TAMM41: variants seen among roughly 807,000 people sequenced by gnomAD.
TAMM41 encodes the protein TAM41 mitochondrial translocator assembly and maintenance homolog.
A neutral mutation model predicts 44.1 loss-of-function variants in TAMM41; 36 were observed. That is an observed-to-expected ratio of 0.82 (90% CI 0.63 to 1.08). The LOEUF (loss-of-function observed/expected upper bound fraction) is 1.08. TAMM41 is among the 50% of genes least tolerant of loss of function. TAMM41 has a pLI of 0.00. For missense variants in TAMM41, 417 were observed against 404.3 expected (o/e 1.03, Z -0.27); for synonymous variants, 164 against 153.1 (o/e 1.07, Z -0.53).
At chr3:11,816,753 C>T (rs1271150889) in intron 5 of TAMM41, among the ~76,000 whole-genome samples, 4 of 151,612 alleles carry the variant, frequency 2.6e-5, no homozygotes, top group Non-Finnish European at 5.9e-5. Context: ...AGCCTGGGAA[C>T]AGAGTCAGAC....
chr3:11,744,092 A>T, the TAMM41 span, among the ~76,000 whole-genome samples: 50 of 151,946 alleles, frequency 3.3e-4, no homozygotes, highest in Non-Finnish European at 4.7e-4. Context: ...TTTGAGATGG[A>T]GTTTTTGCTG....
intron 7 of TAMM41, 106 bp downstream of exon 7, chr3:11,807,727 A>G: frequency 6.5e-7 from 1 of 1,536,214 alleles, no homozygotes; most frequent in South Asian, 1.2e-5. Context: ...ATCAAAGCTC[A>G]GCATTTCACA....
chr3:11,809,973 T>C lies in TAMM41; in HGVS notation c.709-291A>G, dbSNP rs1428369809. 5 of 277,938 alleles carry C rather than the reference T, an allele frequency of 1.8e-5. No homozygotes were observed. In the Admixed American group the frequency reaches 2.5e-4, roughly 14 times the overall value. 17.2% of individuals were successfully genotyped at this position (277,938 alleles called of 1,614,324 possible). A position where few individuals can be genotyped will look rare whatever the true frequency, so the allele number is the denominator to read the frequency against. On this transcript the variant is annotated intron_variant, in intron 5 of 7. Coordinates refer to ENST00000455809, the MANE Select transcript of TAMM41 (RefSeq NM_001284401.2). ...TTCTGACTTTTGGTTTTAAAATTTA[T>C]ATTTGTCTTAAATCCAGCAGTCAAA... is the stretch of plus-strand genomic sequence containing the variant.
Position 11,809,610 on chromosome 3 carries a change from GATTTA to G in TAMM41, c.776_780del (p.Ile259ThrfsTer22). On this transcript the variant is annotated frameshift_variant, in exon 6 of 8. Coordinates refer to ENST00000455809, the MANE Select transcript of TAMM41 (RefSeq NM_001284401.2). LOFTEE classifies it high-confidence loss of function. ...TTTTTTCCAGGAGGGTCCATAATAT[GATTTA>G]TCTGTTGCTGTAAGGTTTTGGGCAA... is the stretch of plus-strand genomic sequence containing the variant. 1 of 1,613,996 alleles carries G rather than the reference GATTTA, an allele frequency of 6.2e-7. No individual in the cohort carries two copies. The highest frequency in any genetic ancestry group is 8.5e-7 in the Non-Finnish European group (1 of 1,179,980).
At chr3:11,726,065 A>AG in the TAMM41 span, among the ~76,000 whole-genome samples, 1 of 152,240 alleles carries the variant, frequency 6.6e-6, no homozygotes, top group Non-Finnish European at 1.5e-5. Context: ...GGGGCAAATA[A>AG]GGGGAATATC....
intron 4 of TAMM41, among the ~76,000 whole-genome samples, chr3:11,823,605 T>C (rs925227251): frequency 6.6e-6 from 1 of 151,932 alleles, no homozygotes; most frequent in African/African-American, 2.4e-5. Context: ...TACTAGTCCC[T>C]TATCAGATGC....
intron 7 of TAMM41, among the ~76,000 whole-genome samples, chr3:11,792,678 T>A (rs2077507584): frequency 1.3e-5 from 2 of 152,182 alleles, no homozygotes; most frequent in African/African-American, 2.4e-5. Flanking sequence ...AAAAATTTTC[T>A]AAACAGGACA....
At chr3:11,787,529 C>T (rs2077424477), downstream of TAMM41, among the ~76,000 whole-genome samples, 1 of 152,106 alleles carries the variant, frequency 6.6e-6, no homozygotes, top group East Asian at 1.9e-4. Flanking sequence ...TAAATTCCTT[C>T]TATTTGATAT....
At chr3:11,822,030 C>T (rs1020285991) in intron 4 of TAMM41, among the ~76,000 whole-genome samples, 4 of 152,122 alleles carry the variant, frequency 2.6e-5, no homozygotes, top group African/African-American at 9.7e-5. Flanking sequence ...AAATGAACTT[C>T]GTGTTTAGAC....
intron 2 of TAMM41, among the ~76,000 whole-genome samples, chr3:11,843,300 G>C (rs2079531674): frequency 6.6e-6 from 1 of 152,208 alleles, no homozygotes; most frequent in Non-Finnish European, 1.5e-5. Context: ...GTTAAGAGAT[G>C]CAAATCTTCA....
chr3:11,764,128 C>T, the TAMM41 span, among the ~76,000 whole-genome samples: 4 of 151,878 alleles, frequency 2.6e-5, no homozygotes, highest in East Asian at 3.9e-4. Context: ...CTCAGCCTCC[C>T]GAGTAGCTTG....
intron 3 of TAMM41, chr3:11,830,807 G>A (rs2125034127): frequency 6.6e-6 from 1 of 151,652 alleles, no homozygotes; most frequent in South Asian, 2.1e-4. Flanking sequence ...GGTGGTTGAG[G>A]CTGCAGTGGG....
rs2078319852 is a variant in TAMM41, at chr3:11,817,294, C to A, written c.606G>T (p.Leu202Phe). 2 of 1,612,628 alleles carry A rather than the reference C, an allele frequency of 1.2e-6. No individual in the cohort carries two copies. Among genetic ancestry groups the A allele is most frequent in the Non-Finnish European group, 8.5e-7 (1 of 1,178,762 alleles). Residue 202 changes from leucine (L) to phenylalanine (F), a missense_variant, in exon 5 of 8, where the codon TTG becomes TTT. Leu to Phe is a conservative substitution (Grantham distance 22, BLOSUM62 0). Coordinates refer to ENST00000455809, the MANE Select transcript of TAMM41 (RefSeq NM_001284401.2). ...GGGCTATATTGGGCTTCACAATATTCAACACTTTTGTTTTATCTTCTCCAA... is the reference window on the plus strand; with the variant it reads ...GGGCTATATTGGGCTTCACAATATTAAACACTTTTGTTTTATCTTCTCCAA... Reference protein sequence around the residue: ...MVVGEDKTKVLNIVKPNIAHF... With the variant: ...MVVGEDKTKVFNIVKPNIAHF...
chr3:11,825,126 C>T (rs1242986331), intron 4 of TAMM41, among the ~76,000 whole-genome samples: 4 of 152,138 alleles, frequency 2.6e-5, no homozygotes, highest in Admixed American at 6.5e-5. Context: ...AATGCTAGCT[C>T]GGCATTTACA....
chr3:11,741,670 G>A, the TAMM41 span, among the ~76,000 whole-genome samples: 4 of 150,170 alleles, frequency 2.7e-5, no homozygotes, highest in East Asian at 7.7e-4. Context: ...GAGAAAATTT[G>A]TTTTTACCAT....
the TAMM41 span, among the ~76,000 whole-genome samples, chr3:11,779,912 C>T: frequency 6.6e-6 from 1 of 152,168 alleles, no homozygotes; most frequent in Non-Finnish European, 1.5e-5. Flanking sequence ...CCATTTGTGC[C>T]AGCGGGAGCC....
chr3:11,818,177 G>A (rs1436591984), intron 4 of TAMM41, among the ~76,000 whole-genome samples: 1 of 152,188 alleles, frequency 6.6e-6, no homozygotes, highest in Non-Finnish European at 1.5e-5. Flanking sequence ...TTGTTGGAGA[G>A]GGAGCAAATT....
chr3:11,789,686 G>C (rs1196127601), downstream of TAMM41, among the ~76,000 whole-genome samples: 1 of 152,166 alleles, frequency 6.6e-6, no homozygotes, highest in Admixed American at 6.5e-5. Flanking sequence ...ACCAGACAGA[G>C]GCTTGCTAGG....
chr3:11,741,789 G>T, the TAMM41 span, among the ~76,000 whole-genome samples: 1 of 149,924 alleles, frequency 6.7e-6, no homozygotes, highest in Non-Finnish European at 1.5e-5. Flanking sequence ...AATTGCCAGC[G>T]TCGCTACTCT....
Sources: gnomAD v4.1 joint callset for allele counts (sites outside exome capture counted in the v4.1 genomes callset) on GRCh38, gnomAD v4.1.1 for gene constraint, MANE v1.5 for transcripts, NCBI Gene and HGNC (gene_info 2026-07-23, HGNC 2026-07-21) for gene names.